PCDHA2: variants seen among roughly 807,000 people sequenced by gnomAD.
PCDHA2 encodes the protein protocadherin alpha-2.
In PCDHA2, 58 loss-of-function variants were observed where a neutral mutation model predicts 66.0. The ratio of observed to expected loss-of-function variants is 0.88; its 90% CI spans 0.71 to 1.09. PCDHA2 has a LOEUF of 1.09. Among genes scored for constraint, PCDHA2 ranks in the 50% least tolerant of loss-of-function variants. The probability of loss-of-function intolerance (pLI) is 0.00; values close to 1 mark genes in which losing one functional copy is unlikely to be tolerated. For missense variants in PCDHA2, 1,267 were observed against 1,242.3 expected, an observed-to-expected ratio of 1.02 and a Z score of -0.30; for synonymous variants, 634 against 554.0, an observed-to-expected ratio of 1.14 and a Z score of -2.03.
At chr5:140,821,709 G>C in intron 1 of PCDHA2, 1 of 1,452,026 alleles carries the variant, frequency 6.9e-7, no homozygotes, top group Non-Finnish European at 9.3e-7. Flanking sequence ...AGTTAATTGG[G>C]AATTGAATTT....
chr5:140,922,172 C>T (rs1466116071), intron 1 of PCDHA2, among the ~76,000 whole-genome samples: 2 of 134,528 alleles, frequency 1.5e-5, no homozygotes, highest in Non-Finnish European at 3.3e-5. Context: ...AAAAGTACAG[C>T]AGACAAAAAA....
intron 1 of PCDHA2, among the ~76,000 whole-genome samples, chr5:140,880,559 G>A (rs929072104): frequency 2.0e-5 from 3 of 152,224 alleles, no homozygotes; most frequent in Non-Finnish European, 4.4e-5. Context: ...TGGAAATGAG[G>A]TTGAGAATTT....
chr5:140,835,421 T>C (rs2150235406), intron 1 of PCDHA2: 2 of 1,613,844 alleles, frequency 1.2e-6, no homozygotes, highest in African/African-American at 1.3e-5. Context: ...TAAATGACAA[T>C]GCTCCACAGT....
At chr5:140,978,805 T>G in intron 1 of PCDHA2, 144 bp from the exon 2 acceptor site, 4 of 1,492,524 alleles carry the variant, frequency 2.7e-6, no homozygotes, top group Non-Finnish European at 3.6e-6. Flanking sequence ...GTAGATATCA[T>G]CATAGAGTTA....
intron 1 of PCDHA2, chr5:140,836,500 C>T (rs2150262394): frequency 1.2e-6 from 2 of 1,613,882 alleles, no homozygotes; most frequent in African/African-American, 1.3e-5. Flanking sequence ...GCCATCTGCG[C>T]GGTGTCCAGT....
intron 1 of PCDHA2, among the ~76,000 whole-genome samples, chr5:140,906,844 G>C (rs1295549477): frequency 6.6e-6 from 1 of 152,192 alleles, no homozygotes; most frequent in Non-Finnish European, 1.5e-5. Context: ...TTCATCTTGA[G>C]AGTCTGGGTC....
At chr5:140,989,894 T>C (rs907697062) in intron 3 of PCDHA2, among the ~76,000 whole-genome samples, 7 of 151,812 alleles carry the variant, frequency 4.6e-5, no homozygotes, top group Admixed American at 3.3e-4. Context: ...GTCTCCGTTA[T>C]TCACAATCAG....
rs781865422 is a variant in PCDHA2, at chr5:140,871,237, C to T, written c.2388+73885C>T. 26 of 1,613,866 alleles carry T rather than the reference C, an allele frequency of 1.6e-5. 1 individual carries two copies. In the South Asian group the frequency reaches 2.3e-4, roughly 14 times the overall value. The stretch of plus-strand genomic sequence containing the variant: ...CTGCGTGGTGTCCAGCCTCCTGGTA[C>T]TCACGCTGCTGCTGTATACGGCGCT... On this transcript the variant is annotated intron_variant, in intron 1 of 3. Coordinates refer to ENST00000526136, the MANE Select transcript of PCDHA2 (RefSeq NM_018905.3).
intron 1 of PCDHA2, among the ~76,000 whole-genome samples, chr5:140,840,943 A>G (rs1442704094): frequency 1.3e-5 from 2 of 152,054 alleles, no homozygotes; most frequent in Non-Finnish European, 2.9e-5. Flanking sequence ...TATTTGAAAT[A>G]TTGGGAAGAA....
chr5:140,905,248 C>T (rs143714633), intron 1 of PCDHA2, among the ~76,000 whole-genome samples: 1,610 of 152,202 alleles, frequency 0.011, 17 homozygotes, highest in African/African-American at 0.028. Flanking sequence ...TTCATTCTTC[C>T]ACATGAGGCT....
chr5:140,829,493 A>G, intron 1 of PCDHA2: 1 of 1,613,654 alleles, frequency 6.2e-7, no homozygotes, highest in Non-Finnish European at 8.5e-7. Flanking sequence ...GAAGGAGAAC[A>G]ACCCGCCGGG....
intron 1 of PCDHA2, chr5:140,968,755 A>G: frequency 6.2e-7 from 1 of 1,614,200 alleles, no homozygotes. Flanking sequence ...TGGTGGTCCG[A>G]GATAATGGAG....
chr5:140,934,043 G>A (rs1241698438), intron 1 of PCDHA2, among the ~76,000 whole-genome samples: 1 of 151,818 alleles, frequency 6.6e-6, no homozygotes, highest in African/African-American at 2.4e-5. Context: ...AATGATATTA[G>A]TCTTTCCAAG....
intron 1 of PCDHA2, chr5:140,871,484 A>T: frequency 6.3e-7 from 1 of 1,592,270 alleles, no homozygotes; most frequent in Non-Finnish European, 8.6e-7. Context: ...GGGTCAAATC[A>T]CCCCGGACAG....
At chr5:140,808,475 G>C (rs1359220357) in intron 1 of PCDHA2, 2 of 1,614,172 alleles carry the variant, frequency 1.2e-6, no homozygotes, top group South Asian at 1.1e-5. Context: ...CGCGCGAGAC[G>C]GGGGCTCGCC....
rs2150159455 is a variant in PCDHA2 at position 140,828,832 on chromosome 5, C to T, written c.2388+31480C>T. 5 of 1,614,118 alleles carry T rather than the reference C, an allele frequency of 3.1e-6. No individual in the cohort carries two copies. The African/African-American group carries it at 5.3e-5, about 17-fold the overall frequency. ...CTCCCACTTTCGAACAGTCTGAATACGAAGTAAGAATATTCGAAAATGCAG... is the reference window on the plus strand; with the variant it reads ...CTCCCACTTTCGAACAGTCTGAATATGAAGTAAGAATATTCGAAAATGCAG... On this transcript the variant is annotated intron_variant, in intron 1 of 3. Transcript: ENST00000526136.
At chr5:140,876,539 C>T (rs1030865953) in intron 1 of PCDHA2, 5 of 1,614,170 alleles carry the variant, frequency 3.1e-6, no homozygotes, top group Admixed American at 1.7e-5. Flanking sequence ...ACTTCACTGT[C>T]GCTCCCTGTG....
At chr5:140,838,663 T>C (rs1206585706) in intron 1 of PCDHA2, among the ~76,000 whole-genome samples, 3 of 152,036 alleles carry the variant, frequency 2.0e-5, no homozygotes, top group Admixed American at 1.3e-4. Flanking sequence ...TAACGGGGCA[T>C]GGTGGCACAC....
rs201572428 is a variant in PCDHA2, at chr5:140,982,529, T to A, written c.2502T>A (p.Asp834Glu). 220 of 1,614,200 alleles carry A rather than the reference T, an allele frequency of 1.4e-4. No homozygotes were observed. Among genetic ancestry groups the A allele is most frequent in the Non-Finnish European group, 1.7e-4 (202 of 1,180,036 alleles). Reference sequence around the variant, plus strand: ...TACGGGCTGGTCCAGGAGGGCCTGATCAGCAGTGGCCAACAGTATCCAGTG... The same window carrying A: ...TACGGGCTGGTCCAGGAGGGCCTGAACAGCAGTGGCCAACAGTATCCAGTG... ...GILRAGPGGP[D>E]QQWPTVSSAT... Residue 834 changes from aspartate (D) to glutamate (E), a missense_variant, in exon 3 of 4, where the codon GAT becomes GAA. Transcript: ENST00000526136.
Sources: gnomAD v4.1 joint callset for allele counts (sites outside exome capture counted in the v4.1 genomes callset) on GRCh38, gnomAD v4.1.1 for gene constraint, MANE v1.5 for transcripts, NCBI Gene and HGNC (gene_info 2026-07-23, HGNC 2026-07-21) for gene names.